The following CCDC146 variants were observed in gnomAD, a reference collection of about 807,000 sequenced individuals.
CCDC146 encodes the protein coiled-coil domain-containing protein 146.
In CCDC146, 92 loss-of-function variants were observed where a neutral mutation model predicts 119.3. That is an observed-to-expected ratio of 0.77 (90% confidence interval 0.65 to 0.92). The LOEUF (loss-of-function observed/expected upper bound fraction) is 0.92, where lower values mean the gene tolerates loss of function less well. Among genes scored for constraint, CCDC146 ranks in the 40% least tolerant of loss-of-function variants. The pLI, the probability that CCDC146 is intolerant of heterozygous loss-of-function variation, is 0.00. For synonymous variants in CCDC146, 372 were observed against 371.8 expected, an observed-to-expected ratio of 1.00 and a Z score of -0.01; for missense variants, 1,000 against 1,103.0, an observed-to-expected ratio of 0.91 and a Z score of 1.32.
At position 77,280,535 on chromosome 7, in the gene CCDC146, A is replaced by G. The variant is rs1345571572; in HGVS notation, c.1801A>G (p.Lys601Glu). ...IVSKLQEMKE[K>E]KEAQLNNIDR... Reference sequence around the variant, plus strand: ...ATCAAAACTTCAGGAAATGAAAGAAAAGAAGGAAGCCCAGTTAAATAACAT... The same window carrying G: ...ATCAAAACTTCAGGAAATGAAAGAAGAGAAGGAAGCCCAGTTAAATAACAT... The change falls in exon 14 of 19, where the codon AAG becomes GAG. Residue 601 changes from lysine (K) to glutamate (E), a missense_variant. By Grantham distance (56) the Lys-to-Glu change is moderately conservative. Around this residue, in one of 2 missense-constraint regions of CCDC146, gnomAD observed 985 missense variants for 1,045.3 expected, o/e 0.94. Transcript: ENST00000285871. 6.2e-7 allele frequency: 1 copy of G among 1,614,200 alleles called. No individual in the cohort carries two copies. The highest frequency in any genetic ancestry group is 8.5e-7 in the Non-Finnish European group (1 of 1,180,014).
intron 1 of CCDC146, among the ~76,000 whole-genome samples, chr7:77,163,860 C>CTTTTTTTTTTTT (rs530810388): frequency 1.6e-4 from 18 of 110,006 alleles, no homozygotes; most frequent in Non-Finnish European, 2.4e-4. Flanking sequence ...TCTTTTTTTT[C>CTTTTTTTTTTTT]TTTTTTTTTT....
intron 2 of CCDC146, among the ~76,000 whole-genome samples, chr7:77,231,645 A>T (rs1792629886): frequency 6.6e-6 from 1 of 152,074 alleles, no homozygotes; most frequent in Non-Finnish European, 1.5e-5. Context: ...GTAGCTCCTT[A>T]AAAATTTCTT....
chr7:77,210,630 G>T (rs1375834068), intron 2 of CCDC146, among the ~76,000 whole-genome samples: 1 of 152,128 alleles, frequency 6.6e-6, no homozygotes, highest in Non-Finnish European at 1.5e-5. Flanking sequence ...CCACTTCTCT[G>T]GTACCAATTT....
At chr7:77,244,978 T>C (rs1054447265) in intron 4 of CCDC146, among the ~76,000 whole-genome samples, 1 of 152,236 alleles carries the variant, frequency 6.6e-6, no homozygotes, top group East Asian at 1.9e-4. Flanking sequence ...TCCACCCCAA[T>C]ATCTTCAGGA....
intron 2 of CCDC146, among the ~76,000 whole-genome samples, chr7:77,202,138 G>A (rs1792003462): frequency 6.6e-6 from 1 of 152,168 alleles, no homozygotes; most frequent in South Asian, 2.1e-4. Flanking sequence ...TACATATATT[G>A]ATATACTATA....
chr7:77,294,010 C>T (rs1348631536), intron 18 of CCDC146, among the ~76,000 whole-genome samples: 1 of 152,210 alleles, frequency 6.6e-6, no homozygotes, highest in African/African-American at 2.4e-5. Context: ...CAGATTTTAC[C>T]TGTGGTGTCC....
intron 1 of CCDC146, among the ~76,000 whole-genome samples, chr7:77,163,860 C>T (rs201835146): frequency 6.1e-3 from 667 of 109,844 alleles, no homozygotes; most frequent in Middle Eastern, 9.8e-3. Context: ...TCTTTTTTTT[C>T]TTTTTTTTTT....
At chr7:77,276,539 T>C (rs1793644256) in intron 11 of CCDC146, among the ~76,000 whole-genome samples, 1 of 152,112 alleles carries the variant, frequency 6.6e-6, no homozygotes, top group African/African-American at 2.4e-5. Flanking sequence ...GGATGTCAAA[T>C]AGTGAGACCA....
chr7:77,221,869 C>T (rs747608800), intron 2 of CCDC146, among the ~76,000 whole-genome samples: 13 of 152,224 alleles, frequency 8.5e-5, no homozygotes, highest in South Asian at 2.1e-4. Flanking sequence ...TCACCCAAAA[C>T]GAAACACTTG....
At chr7:77,139,196 C>T (rs1037380454) in intron 1 of CCDC146, among the ~76,000 whole-genome samples, 3 of 151,618 alleles carry the variant, frequency 2.0e-5, no homozygotes, top group African/African-American at 7.2e-5. Context: ...AATGAGCTGT[C>T]AAGCCATAAA....
chr7:77,196,918 G>A lies in CCDC146; in HGVS notation c.156+29094G>A. The A allele has an allele frequency of 1.2e-6, 2 of 1,613,796 alleles. No individual in the cohort carries two copies. The highest frequency in any genetic ancestry group is 1.7e-6 in the Non-Finnish European group (2 of 1,179,874). On this transcript the variant is annotated intron_variant, in intron 2 of 18. Coordinates refer to ENST00000285871, the MANE Select transcript of CCDC146 (RefSeq NM_020879.3). This position sits in a 1 kb window ranked among gnomAD's most constrained non-coding sequence, Gnocchi z 4.2. ...TATTTTTGGGATCAGGTGTAACTCTGTAGGTCTCACTGCTTCTTTTGCCTA... is the reference window on the plus strand; with the variant it reads ...TATTTTTGGGATCAGGTGTAACTCTATAGGTCTCACTGCTTCTTTTGCCTA...
chr7:77,267,435 G>A (rs1793428750), intron 9 of CCDC146, among the ~76,000 whole-genome samples: 1 of 151,918 alleles, frequency 6.6e-6, no homozygotes, highest in Non-Finnish European at 1.5e-5. Context: ...ATCAAGCGCT[G>A]TTTCTTCAGC....
At chr7:77,224,362 T>C (rs1792464249) in intron 2 of CCDC146, among the ~76,000 whole-genome samples, 1 of 152,212 alleles carries the variant, frequency 6.6e-6, no homozygotes, top group Non-Finnish European at 1.5e-5. Flanking sequence ...GTCCTTCTCA[T>C]ATTTCAGATC....
chr7:77,130,369 A>G (rs1286123684), intron 1 of CCDC146, among the ~76,000 whole-genome samples: 1 of 152,084 alleles, frequency 6.6e-6, no homozygotes, highest in Non-Finnish European at 1.5e-5. Flanking sequence ...TAAAAATACC[A>G]CAAAGGTCTC....
chr7:77,209,350 T>G lies in CCDC146; in HGVS notation c.157-27597T>G, dbSNP rs375744851. The stretch of plus-strand genomic sequence containing the variant: ...ATTACATTTTAAAGCTCCAAAAGAA[T>G]CTCCTTTGACTTCATGTCTCACATC... On this transcript the variant is annotated intron_variant, in intron 2 of 18. Transcript: ENST00000285871. Among the ~76,000 whole-genome samples the G allele has an allele frequency of 3.2e-3, 485 of 152,248 alleles. 5 individuals carry two copies. The highest frequency in any genetic ancestry group is 4.9e-3 in the African/African-American group (203 of 41,562).
In CCDC146 at chr7:77,242,044, T is replaced by A; in HGVS notation, c.449+144T>A. 3 of 660,738 alleles carry A rather than the reference T, an allele frequency of 4.5e-6. No individual in the cohort carries two copies. The Admixed American group carries it at 8.8e-5, about 19-fold the overall frequency. 40.9% of individuals were successfully genotyped at this position (660,738 alleles called of 1,614,324 possible). On this transcript the variant is annotated intron_variant, in intron 4 of 18. Transcript: ENST00000285871. Reference sequence around the variant, plus strand: ...ACCTAGTTCTCTTGATTCCTTAGAATGGAATGGGAATTCCCTGAACAAGAA... The same window carrying A: ...ACCTAGTTCTCTTGATTCCTTAGAAAGGAATGGGAATTCCCTGAACAAGAA...
Position 77,278,770 on chromosome 7 carries a change from G to C in CCDC146, c.1459G>C (p.Val487Leu), listed in dbSNP as rs764689941. 2.5e-6 allele frequency: 4 copies of C among 1,610,930 alleles called. No homozygotes were observed. In the Admixed American group the frequency reaches 6.8e-5, roughly 27 times the overall value. The change falls in exon 12 of 19, where the codon GTT becomes CTT. Residue 487 changes from valine to leucine, a missense_variant. Physicochemically the swap from Val to Leu is conservative, Grantham distance 32 (BLOSUM62 1). This residue lies in a region of CCDC146 where 985 missense variants were observed against 1,045.3 expected (regional missense o/e 0.94). Coordinates refer to ENST00000285871, the MANE Select transcript of CCDC146 (RefSeq NM_020879.3). ...ATTTCAGCAAAAATACACCAACATT[G>C]TTAAAGAAATGAAAGCAAAGGATCT... ...LKAQQKYTNI[V>L]KEMKAKDLEI...
chr7:77,293,014 G>A lies in CCDC146; in HGVS notation c.2478G>A (p.Glu826=), dbSNP rs1173958076. The change falls in exon 18 of 19, where the codon GAG becomes GAA. Residue 826 remains glutamate (E), a synonymous_variant. Transcript: ENST00000285871. ...ATEKMMALVA[E]LSMKQALTIE... ...AGAAAATGATGGCTCTTGTTGCTGA[G>A]CTGTCCATGAAACAAGCCCTAACCA... is the stretch of plus-strand genomic sequence containing the variant. 1 of 1,614,118 alleles carries A rather than the reference G, an allele frequency of 6.2e-7. No homozygotes were observed. The highest frequency in any genetic ancestry group is 8.5e-7 in the Non-Finnish European group (1 of 1,180,006).
intron 2 of CCDC146, chr7:77,198,414 A>G (rs1791916444): frequency 3.7e-6 from 2 of 541,208 alleles, no homozygotes; most frequent in Admixed American, 6.4e-5. Flanking sequence ...AGGTTTGGAG[A>G]GTCAATACCA....
Sources: gnomAD v4.1 joint callset for allele counts (sites outside exome capture counted in the v4.1 genomes callset) on GRCh38, gnomAD v4.1.1 for gene constraint, gnomAD v4.1.1 regional missense constraint, Gnocchi (gnomAD v3.1) non-coding constraint, MANE v1.5 for transcripts, NCBI Gene and HGNC (gene_info 2026-07-23, HGNC 2026-07-21) for gene names.